Variants in C1QTNF3 observed in about 807,000 individuals in gnomAD.
C1QTNF3 encodes complement C1q tumor necrosis factor-related protein 3.
Under a neutral mutation model 32.6 loss-of-function variants are expected in C1QTNF3, and 26 were observed. That is an observed-to-expected ratio of 0.80 (90% CI 0.58 to 1.11). The LOEUF (loss-of-function observed/expected upper bound fraction) is 1.11, where lower values mean the gene tolerates loss of function less well. Ranked by LOEUF, C1QTNF3 falls within the 50% of genes least tolerant of loss-of-function variation. The pLI, the probability that C1QTNF3 is intolerant of heterozygous loss-of-function variation, is 0.00. For missense variants in C1QTNF3, 362 were observed against 398.2 expected (o/e 0.91, Z 0.77); for synonymous variants, 155 against 146.0 (o/e 1.06, Z -0.44).
chr5:34,226,041 T>G, the C1QTNF3 span, among the ~76,000 whole-genome samples: 1 of 152,016 alleles, frequency 6.6e-6, no homozygotes, highest in South Asian at 2.1e-4. Context: ...TTTTTGACTT[T>G]GAAAAATGGT....
At chr5:34,156,936 T>C in the C1QTNF3 span, among the ~76,000 whole-genome samples, 1 of 152,242 alleles carries the variant, frequency 6.6e-6, no homozygotes, top group African/African-American at 2.4e-5. Context: ...CTAGTCACAA[T>C]TTCAGAAAGT....
the C1QTNF3 span, among the ~76,000 whole-genome samples, chr5:34,182,220 T>C: frequency 0.062 from 9,159 of 148,728 alleles, 11 homozygotes; most frequent in African/African-American, 0.18. Context: ...GGTTTCACCA[T>C]GTTGGCCAGG....
At chr5:34,057,143 A>G in the C1QTNF3 span, among the ~76,000 whole-genome samples, 1 of 152,240 alleles carries the variant, frequency 6.6e-6, no homozygotes, top group Admixed American at 6.5e-5. Context: ...CCACCTGCTA[A>G]TCACTTGATT....
In C1QTNF3 at chr5:34,028,176, G is replaced by A. The variant is rs530312390; in HGVS notation, c.700+578C>T. Among the ~76,000 whole-genome samples the A allele has an allele frequency of 1.4e-4, 21 of 152,322 alleles. No individual in the cohort carries two copies. The East Asian group carries it at 4.1e-3, about 29-fold the overall frequency. ...TTTAGTAAAGACGGGGTTTCACCAT[G>A]TCAGCCAGGATAGTCTCTATCTACT... On this transcript the variant is annotated intron_variant, in intron 4 of 5. Coordinates refer to ENST00000382065, the MANE Select transcript of C1QTNF3 (RefSeq NM_181435.6).
chr5:34,212,181 T>C, the C1QTNF3 span, among the ~76,000 whole-genome samples: 3 of 151,432 alleles, frequency 2.0e-5, no homozygotes, highest in African/African-American at 7.3e-5. Context: ...TAAATGGTGC[T>C]GGGAAAACTG....
the C1QTNF3 span, among the ~76,000 whole-genome samples, chr5:34,205,746 GAT>G: frequency 1.3e-5 from 2 of 149,348 alleles, no homozygotes; most frequent in Non-Finnish European, 3.0e-5. Context: ...AATATTTAAA[GAT>G]ATGTGTCTAC....
At chr5:34,215,866 C>G in the C1QTNF3 span, among the ~76,000 whole-genome samples, 1 of 152,172 alleles carries the variant, frequency 6.6e-6, no homozygotes, top group Admixed American at 6.6e-5. Context: ...CTCTTTGCCC[C>G]AAGCAATCCT....
the C1QTNF3 span, among the ~76,000 whole-genome samples, chr5:34,183,289 G>A: frequency 6.6e-6 from 1 of 151,568 alleles, no homozygotes; most frequent in African/African-American, 2.4e-5. Context: ...GAACCAATGC[G>A]CCCGGCCCGC....
At chr5:34,188,979 C>T in the C1QTNF3 span, among the ~76,000 whole-genome samples, 45 of 149,766 alleles carry the variant, frequency 3.0e-4, no homozygotes, top group Admixed American at 2.9e-3. Context: ...CCATGCTGTT[C>T]TCATGGTAGT....
chr5:34,224,925 G>C, the C1QTNF3 span, among the ~76,000 whole-genome samples: 1 of 151,988 alleles, frequency 6.6e-6, no homozygotes, highest in Non-Finnish European at 1.5e-5. Context: ...CTAACATCCA[G>C]AATCTACAAT....
the C1QTNF3 span, among the ~76,000 whole-genome samples, chr5:34,067,276 C>A: frequency 6.6e-6 from 1 of 152,218 alleles, no homozygotes; most frequent in Non-Finnish European, 1.5e-5. Context: ...CTATCTGTTA[C>A]CCAGGTCCAA....
chr5:34,069,067 T>C, the C1QTNF3 span, among the ~76,000 whole-genome samples: 2 of 145,732 alleles, frequency 1.4e-5, no homozygotes, highest in Admixed American at 7.0e-5. Context: ...TTGTTGCAAA[T>C]CTGCTTCCTA....
chr5:34,056,010 C>G, the C1QTNF3 span, among the ~76,000 whole-genome samples: 6 of 152,120 alleles, frequency 3.9e-5, no homozygotes, highest in African/African-American at 1.4e-4. Flanking sequence ...GCATCACCTA[C>G]CCTAGTCATT....
chr5:34,088,088 G>A, the C1QTNF3 span, among the ~76,000 whole-genome samples: 1 of 152,402 alleles, frequency 6.6e-6, no homozygotes, highest in South Asian at 2.1e-4. Flanking sequence ...TAAATAGTTT[G>A]TGTTAAATAT....
the C1QTNF3 span, among the ~76,000 whole-genome samples, chr5:34,189,669 A>G: frequency 1.3e-5 from 2 of 152,362 alleles, no homozygotes; most frequent in East Asian, 3.9e-4. Flanking sequence ...ACAGTTCCCC[A>G]CTGCTCCCAG....
intron 2 of C1QTNF3, among the ~76,000 whole-genome samples, chr5:34,035,111 G>GC (rs1452247352): frequency 6.6e-6 from 1 of 152,142 alleles, no homozygotes; most frequent in Non-Finnish European, 1.5e-5. Flanking sequence ...CAGGCCCGCG[G>GC]CACTCTCCTA....
the C1QTNF3 span, among the ~76,000 whole-genome samples, chr5:34,128,520 A>G: frequency 6.6e-6 from 1 of 152,220 alleles, no homozygotes; most frequent in East Asian, 1.9e-4. Context: ...CCTGAAAGCA[A>G]TCAAAGGGGC....
chr5:34,096,711 T>C, the C1QTNF3 span, among the ~76,000 whole-genome samples: 3 of 150,460 alleles, frequency 2.0e-5, no homozygotes, highest in Non-Finnish European at 4.4e-5. Flanking sequence ...TAAGTAGAGA[T>C]AGGAACAAGC....
At chr5:34,201,908 G>A in the C1QTNF3 span, among the ~76,000 whole-genome samples, 3 of 152,122 alleles carry the variant, frequency 2.0e-5, no homozygotes, top group African/African-American at 4.8e-5. Context: ...CTGCAATCCT[G>A]GGTCAAAAAG....
Sources: allele counts gnomAD v4.1 joint callset (sites outside exome capture counted in the v4.1 genomes callset), GRCh38; gene constraint gnomAD v4.1.1; transcripts MANE v1.5; gene names NCBI Gene and HGNC (gene_info 2026-07-23, HGNC 2026-07-21).